Variants in PCDHGA2 observed in about 807,000 individuals in gnomAD.
The protein encoded by PCDHGA2 is protocadherin gamma-A2.
PCDHGA2 carries 40 observed loss-of-function variants against 59.2 expected under a neutral mutation model. That is an observed-to-expected ratio of 0.68 (90% CI 0.52 to 0.88). The LOEUF is 0.88. PCDHGA2 is among the 40% of genes least tolerant of loss of function. The pLI, the probability that PCDHGA2 is intolerant of heterozygous loss-of-function variation, is 0.00. For missense variants in PCDHGA2, 1,226 were observed against 1,204.0 expected (o/e 1.02, Z -0.27); for synonymous variants, 560 against 526.0 (o/e 1.06, Z -0.89).
rs767225609 is a variant in PCDHGA2 at position 141,390,056 on chromosome 5, C to T, written c.2424+48661C>T. On this transcript the variant is annotated intron_variant, in intron 1 of 3. Transcript: ENST00000394576. ...CCTCCAGCCCCGCCTCCTGGAGCTG[C>T]TTCCAGCCTGGTCTCTGTGTTAAAT... 9 of 1,613,960 alleles carry T rather than the reference C, an allele frequency of 5.6e-6. No homozygotes were observed. In the Admixed American group the frequency reaches 1.3e-4, roughly 24 times the overall value.
At chr5:141,388,112 C>T (rs1399745232) in intron 1 of PCDHGA2, 1 of 1,408,080 alleles carries the variant, frequency 7.1e-7, no homozygotes, top group South Asian at 1.2e-5. Flanking sequence ...CTTACTTCAC[C>T]GTGAGCGCAG....
intron 1 of PCDHGA2, chr5:141,377,028 G>A (rs776077319): frequency 2.5e-4 from 39 of 154,858 alleles, no homozygotes; most frequent in Admixed American, 6.4e-5. Context: ...ATTCAAGATT[G>A]TCTTTGATTA....
chr5:141,478,204 T>C (rs775367944), intron 1 of PCDHGA2: 7 of 1,613,950 alleles, frequency 4.3e-6, no homozygotes, highest in Middle Eastern at 1.6e-4. Context: ...ATCTACTTCT[T>C]TCTCTAATCC....
intron 1 of PCDHGA2, chr5:141,428,009 A>G (rs778602169): frequency 3.7e-6 from 6 of 1,602,358 alleles, no homozygotes; most frequent in African/African-American, 2.7e-5. Context: ...TCTTCGATAT[A>G]GTGCCACGCG....
At chr5:141,456,044 C>T (rs1307913066) in intron 1 of PCDHGA2, among the ~76,000 whole-genome samples, 2 of 151,826 alleles carry the variant, frequency 1.3e-5, no homozygotes, top group African/African-American at 2.4e-5. Context: ...ACTACAGGCG[C>T]CCACCACCAC....
rs768882594 is a variant in PCDHGA2, at chr5:141,360,320, C to T, written c.2424+18925C>T. Reference sequence around the variant, plus strand: ...CTGGGGCTCAGCGTCCGGGACTTGCCAGCCCGGAAGCTGCGGGTTAGCGCG... The same window carrying T: ...CTGGGGCTCAGCGTCCGGGACTTGCTAGCCCGGAAGCTGCGGGTTAGCGCG... On this transcript the variant is annotated intron_variant, in intron 1 of 3. Transcript: ENST00000394576. The T allele has an allele frequency of 1.1e-5, 18 of 1,613,930 alleles. No individual in the cohort carries two copies. Among genetic ancestry groups the T allele is most frequent in the Admixed American group, 6.7e-5 (4 of 60,022 alleles).
intron 1 of PCDHGA2, among the ~76,000 whole-genome samples, chr5:141,452,947 G>C (rs2098752833): frequency 6.6e-6 from 1 of 152,144 alleles, no homozygotes; most frequent in Non-Finnish European, 1.5e-5. Flanking sequence ...GCTTGCAATT[G>C]GTTGTCTTTA....
intron 1 of PCDHGA2, chr5:141,356,287 G>A (rs1760178048): frequency 6.4e-7 from 1 of 1,556,188 alleles, no homozygotes; most frequent in African/African-American, 1.4e-5. Context: ...TTCTTCCCCG[G>A]GTACAGTAAT....
At chr5:141,394,371 T>C (rs753598001) in intron 1 of PCDHGA2, 5 of 1,614,056 alleles carry the variant, frequency 3.1e-6, no homozygotes, top group Non-Finnish European at 4.2e-6. Context: ...GCTGCAATCT[T>C]TCGACTATGA....
In PCDHGA2 at chr5:141,426,319, C is replaced by A. The variant is rs572457971; in HGVS notation, c.2425-68488C>A. On this transcript the variant is annotated intron_variant, in intron 1 of 3. Coordinates refer to ENST00000394576, the MANE Select transcript of PCDHGA2 (RefSeq NM_018915.4). ...CAGGGTGAAGCAGAGAAGCAGGACC[C>A]GGCAGTGGCAAGCACTCTTCCCTTT... 9 of 175,482 alleles carry A rather than the reference C, an allele frequency of 5.1e-5. No homozygotes were observed. In the East Asian group the frequency reaches 6.8e-4, roughly 13 times the overall value. The allele number at this position is 175,482 out of a possible 1,614,324, so 10.9% of individuals were successfully genotyped here.
chr5:141,421,895 G>A, intron 1 of PCDHGA2: 1 of 1,613,730 alleles, frequency 6.2e-7, no homozygotes, highest in African/African-American at 1.3e-5. Flanking sequence ...GATCCCATCC[G>A]AAAGGGCGCA....
rs1292747996 is a variant in PCDHGA2, at chr5:141,475,972, T to C, written c.2425-18835T>C. 2.0e-5 allele frequency: 19 copies of C among 963,712 alleles called. No individual in the cohort carries two copies. In the East Asian group the frequency reaches 3.4e-4, roughly 17 times the overall value. The allele number at this position is 963,712 out of a possible 1,614,324, so 59.7% of individuals were successfully genotyped here. A position where few individuals can be genotyped will look rare whatever the true frequency, so the allele number is the denominator to read the frequency against. ...CTGCGCCCCGGGATGAGGCAGAGAC[T>C]GAACAGCCGGCGAGCAAATCAACGG... On this transcript the variant is annotated intron_variant, in intron 1 of 3. Transcript: ENST00000394576.
chr5:141,491,483 A>ACCTGCAGGTGAGCTCGG lies in PCDHGA2; in HGVS notation c.2425-3323_2425-3307dup. The ACCTGCAGGTGAGCTCGG allele has an allele frequency of 3.1e-6, 5 of 1,614,018 alleles. No individual in the cohort carries two copies. The highest frequency in any genetic ancestry group is 4.2e-6 in the Non-Finnish European group (5 of 1,180,012). ...GACTTCTATAAGCAGTCCAGCCCCAACCTGCAGGTGAGCTCGGACGGCACG... is the reference window on the plus strand; with the variant it reads ...GACTTCTATAAGCAGTCCAGCCCCAACCTGCAGGTGAGCTCGGCCTGCAGGTGAGCTCGGACGGCACG... On this transcript the variant is annotated intron_variant, in intron 1 of 3. Coordinates refer to ENST00000394576, the MANE Select transcript of PCDHGA2 (RefSeq NM_018915.4). The surrounding 1 kb of genome is among the most constrained non-coding windows in gnomAD (Gnocchi z 6.9).
At chr5:141,428,750 C>G (rs1282306626) in intron 1 of PCDHGA2, 1 of 154,730 alleles carries the variant, frequency 6.5e-6, no homozygotes, top group African/African-American at 2.4e-5. Flanking sequence ...ACTATTGCTT[C>G]AGGTTTGTTT....
At position 141,346,608 on chromosome 5, in the gene PCDHGA2, A is replaced by G. The variant is rs1337557506; in HGVS notation, c.2424+5213A>G. The G allele has an allele frequency of 2.6e-5, 31 of 1,176,330 alleles. No individual in the cohort carries two copies. The East Asian group carries it at 7.7e-4, about 29-fold the overall frequency. The allele number at this position is 1,176,330 out of a possible 1,614,324, so 72.9% of individuals were successfully genotyped here. ...TGTCCCCCTTTCTTTCTGGGCCTAT[A>G]GTAGGACTGCACTCCCCGGTCTGGT... is the stretch of plus-strand genomic sequence containing the variant. On this transcript the variant is annotated intron_variant, in intron 1 of 3. Coordinates refer to ENST00000394576, the MANE Select transcript of PCDHGA2 (RefSeq NM_018915.4).
chr5:141,480,719 A>G (rs1455113968), intron 1 of PCDHGA2, among the ~76,000 whole-genome samples: 1 of 152,194 alleles, frequency 6.6e-6, no homozygotes, highest in Non-Finnish European at 1.5e-5. Flanking sequence ...ATGAAAGCAC[A>G]GTCTCTGGGG....
chr5:141,473,616 G>A (rs1049605139), intron 1 of PCDHGA2, among the ~76,000 whole-genome samples: 5 of 152,118 alleles, frequency 3.3e-5, no homozygotes, highest in African/African-American at 1.2e-4. Flanking sequence ...GCAAAGGGAG[G>A]GAGGAAAAAG....
At chr5:141,404,914 C>G (rs1423848318) in intron 1 of PCDHGA2, 1 of 1,613,830 alleles carries the variant, frequency 6.2e-7, no homozygotes, top group Non-Finnish European at 8.5e-7. Flanking sequence ...AGCCCCCTCT[C>G]TCGGCCACTG....
In PCDHGA2 at chr5:141,340,494, A is replaced by G. The variant is rs750347331; in HGVS notation, c.1523A>G (p.Asn508Ser). Residue 508 changes from asparagine (N) to serine (S), a missense_variant, in exon 1 of 4, where the codon AAC (asparagine) becomes AGC (serine). By Grantham distance (46) the Asn-to-Ser change is conservative (BLOSUM62 1). Coordinates refer to ENST00000394576, the MANE Select transcript of PCDHGA2 (RefSeq NM_018915.4). The part of the protein sequence containing the change: ...GAPLSSYISI[N>S]SDTGVLYALR... ...CCCTTATCCTCTTACATCTCTATCAACTCCGACACTGGAGTACTCTATGCA... is the reference window on the plus strand; with the variant it reads ...CCCTTATCCTCTTACATCTCTATCAGCTCCGACACTGGAGTACTCTATGCA... The G allele has an allele frequency of 6.8e-6, 11 of 1,613,726 alleles. No individual in the cohort carries two copies. Among genetic ancestry groups the G allele is most frequent in the East Asian group, 2.2e-5 (1 of 44,866 alleles).
Sources: gnomAD v4.1 joint callset for allele counts (sites outside exome capture counted in the v4.1 genomes callset) on GRCh38, gnomAD v4.1.1 for gene constraint, Gnocchi (gnomAD v3.1) non-coding constraint, MANE v1.5 for transcripts, NCBI Gene and HGNC (gene_info 2026-07-23, HGNC 2026-07-21) for gene names.